The following SLC13A5 variants were observed in gnomAD, a reference collection of about 807,000 sequenced individuals.
SLC13A5 encodes the protein Na(+)/citrate cotransporter.
Under a neutral mutation model 56.5 loss-of-function variants are expected in SLC13A5, and 25 were observed. The ratio of observed to expected loss-of-function variants is 0.44; its 90% CI spans 0.32 to 0.62. The LOEUF (loss-of-function observed/expected upper bound fraction) is 0.62. SLC13A5 is among the 20% of genes least tolerant of loss of function. The pLI is 0.04. For synonymous variants in SLC13A5, 307 were observed against 301.5 expected, an observed-to-expected ratio of 1.02 and a Z score of -0.19; for missense variants, 649 against 737.8, an observed-to-expected ratio of 0.88 and a Z score of 1.39.
rs201530285 is a variant in SLC13A5, at chr17:6,694,088, G to A, written c.1156+9C>T. 1.8e-4 allele frequency: 294 copies of A among 1,599,788 alleles called. No homozygotes were observed. Among genetic ancestry groups the A allele is most frequent in the Non-Finnish European group, 2.3e-4 (263 of 1,167,756 alleles). On this transcript the variant is annotated intron_variant, in intron 8 of 11. Coordinates refer to ENST00000433363, the MANE Select transcript of SLC13A5 (RefSeq NM_177550.5). Reference sequence around the variant, plus strand: ...CCTGATGACTGGGCGATCAGAACAGGAGACTTACCTTCCTCAGTCTGGCTG... The same window carrying A: ...CCTGATGACTGGGCGATCAGAACAGAAGACTTACCTTCCTCAGTCTGGCTG...
In SLC13A5 at chr17:6,693,134, G is replaced by A. The variant is rs754821035; in HGVS notation, c.1185C>T (p.Pro395=). The A allele has an allele frequency of 3.1e-6, 5 of 1,612,058 alleles. No homozygotes were observed. Among genetic ancestry groups the A allele is most frequent in the Non-Finnish European group, 4.2e-6 (5 of 1,179,180 alleles). ...CCTGGGTTACCTTCCAATCCAGCAG[G>A]GGAGGGGGATAAAATGGAGTTTTCC... ...EERKTPFYPP[P]LLDWKVTQEK... The change falls in exon 9 of 12, where the codon CCC becomes CCT. Residue 395 remains proline (P), a synonymous_variant. Coordinates refer to ENST00000433363, the MANE Select transcript of SLC13A5 (RefSeq NM_177550.5).
intron 1 of SLC13A5, among the ~76,000 whole-genome samples, chr17:6,708,337 C>T (rs1016065051): frequency 5.9e-5 from 9 of 152,160 alleles, no homozygotes; most frequent in African/African-American, 2.2e-4. Flanking sequence ...CTCTGAGTAC[C>T]CTCCCCAGCC....
intron 9 of SLC13A5, 56 bp from the exon 10 acceptor site, chr17:6,690,996 G>C (rs1183535890): frequency 5.7e-5 from 89 of 1,553,926 alleles, no homozygotes; most frequent in Non-Finnish European, 6.7e-5. Flanking sequence ...AGTTCCTTCA[G>C]GGCCAGGGCA....
chr17:6,692,231 A>AGATGGATG lies in SLC13A5; in HGVS notation c.1275+805_1275+812dup, dbSNP rs370078806. Among the ~76,000 whole-genome samples, 6,222 of 143,822 alleles carry AGATGGATG rather than the reference A, an allele frequency of 0.043. 156 individuals carry two copies. The highest frequency in any genetic ancestry group is 0.067 in the African/African-American group (2,544 of 37,758). 94.4% of individuals were successfully genotyped at this position (143,822 alleles called of 152,430 possible). On this transcript the variant is annotated intron_variant, in intron 9 of 11. Coordinates refer to ENST00000433363, the MANE Select transcript of SLC13A5 (RefSeq NM_177550.5). This position sits in a 1 kb window ranked among gnomAD's most constrained non-coding sequence, Gnocchi z 5.5. ...TAGATAGATGGGTGGATGGATGGAC[A>AGATGGATG]GATGGATGGATGGATGGATGGATGG...
At chr17:6,697,020 A>G (rs1567618602) in intron 6 of SLC13A5, among the ~76,000 whole-genome samples, 1 of 151,990 alleles carries the variant, frequency 6.6e-6, no homozygotes, top group Non-Finnish European at 1.5e-5. Context: ...AAAAGGAGGC[A>G]ACACTGATGG....
In SLC13A5 at chr17:6,711,230, G is replaced by A. The variant is rs915493967; in HGVS notation, c.102+2002C>T. On this transcript the variant is annotated intron_variant, in intron 1 of 11. Transcript: ENST00000433363. This position sits in a 1 kb window ranked among gnomAD's most constrained non-coding sequence, Gnocchi z 4.0. ...TCTGGGTTTCCTTGCACAATGGGGC[G>A]GCCATGGAGGGTGGGGGCAGGGTGA... Among the ~76,000 whole-genome samples the A allele has an allele frequency of 6.6e-5, 10 of 152,054 alleles. No homozygotes were observed. Among genetic ancestry groups the A allele is most frequent in the African/African-American group, 2.4e-4 (10 of 41,412 alleles).
At chr17:6,707,208 C>T in intron 1 of SLC13A5, 52 bp from the exon 2 acceptor site, 1 of 1,605,334 alleles carries the variant, frequency 6.2e-7, no homozygotes, top group Non-Finnish European at 8.5e-7. Flanking sequence ...CTCTCCCCAC[C>T]CCCAGAACAC....
At chr17:6,691,004 G>C in intron 9 of SLC13A5, 64 bp from the exon 10 acceptor site, 1 of 1,535,418 alleles carries the variant, frequency 6.5e-7, no homozygotes, top group Non-Finnish European at 8.8e-7. Context: ...CAGGGCCAGG[G>C]CAAGCTTGGC....
rs200900896 is a variant in SLC13A5 at position 6,693,178 on chromosome 17, AAC to A, written c.1157-18_1157-17del. On this transcript the variant is annotated splice_polypyrimidine_tract_variant and intron_variant, in intron 8 of 11. Transcript: ENST00000433363. The stretch of plus-strand genomic sequence containing the variant: ...GTTTTCCTTTCTGGGAAGAAAAAGA[AAC>A]ACACACACACACACACACACACACA... 53,151 of 690,656 alleles carry A rather than the reference AAC, an allele frequency of 0.077. 720 individuals carry two copies. The highest frequency in any genetic ancestry group is 0.088 in the Middle Eastern group (264 of 3,002). 42.8% of individuals were successfully genotyped at this position (690,656 alleles called of 1,614,324 possible).
At position 6,711,522 on chromosome 17, in the gene SLC13A5, G is replaced by A. The variant is rs1974026007; in HGVS notation, c.102+1710C>T. Reference sequence around the variant, plus strand: ...TGTGTGTGTGTATGTGTATGTGTGTGTTTGTGTTTTTTGTGTGTTTTGTGT... The same window carrying A: ...TGTGTGTGTGTATGTGTATGTGTGTATTTGTGTTTTTTGTGTGTTTTGTGT... On this transcript the variant is annotated intron_variant, in intron 1 of 11. Coordinates refer to ENST00000433363, the MANE Select transcript of SLC13A5 (RefSeq NM_177550.5). This position sits in a 1 kb window ranked among gnomAD's most constrained non-coding sequence, Gnocchi z 4.0. 6.6e-6 allele frequency among the ~76,000 whole-genome samples: 1 copy of A among 151,248 alleles called. No individual in the cohort carries two copies. Among genetic ancestry groups the A allele is most frequent in the African/African-American group, 2.4e-5 (1 of 41,036 alleles).
In SLC13A5 at chr17:6,687,619, G is replaced by A. The variant is rs907914369; in HGVS notation, c.1485C>T (p.Thr495=). 1.2e-6 allele frequency: 2 copies of A among 1,613,442 alleles called. No homozygotes were observed. Among genetic ancestry groups the A allele is most frequent in the Non-Finnish European group, 1.7e-6 (2 of 1,179,876 alleles). Residue 495 remains threonine, a synonymous_variant, in exon 11 of 12, where the codon ACC becomes ACT. Transcript: ENST00000433363. The surrounding 1 kb of genome is among the most constrained non-coding windows in gnomAD (Gnocchi z 5.0). ...ACATGAAGGCAAAGGAGGCACTCAG[G>A]GTACAGGGCAGCATGATGTACAGCG... ...LNPLYIMLPC[T]LSASFAFMLP...
Position 6,713,362 on chromosome 17 carries a change from C to A in SLC13A5, c.-29G>T, listed in dbSNP as rs937310250. 1.2e-6 allele frequency: 2 copies of A among 1,601,310 alleles called. No homozygotes were observed. The highest frequency in any genetic ancestry group is 1.3e-5 in the African/African-American group (1 of 74,764). On this transcript the variant is annotated 5_prime_UTR_variant, in exon 1 of 12. Coordinates refer to ENST00000433363, the MANE Select transcript of SLC13A5 (RefSeq NM_177550.5). The surrounding 1 kb of genome is among the most constrained non-coding windows in gnomAD (Gnocchi z 7.3). ...GCGGGAGGGAGACTGGCGGGCGAGACGAGTGAGGGGCAGCTAGAGGCGCCG... is the reference window on the plus strand; with the variant it reads ...GCGGGAGGGAGACTGGCGGGCGAGAAGAGTGAGGGGCAGCTAGAGGCGCCG...
intron 7 of SLC13A5, among the ~76,000 whole-genome samples, chr17:6,694,743 A>G (rs1338405657): frequency 6.6e-6 from 1 of 152,172 alleles, no homozygotes; most frequent in African/African-American, 2.4e-5. Context: ...ATTCTCCATA[A>G]GTGTATTTCA....
In SLC13A5 at chr17:6,695,676, C is replaced by T. The variant is rs1567617673; in HGVS notation, c.1055+50G>A. ...AAAGTGCTGGGATTACATGTGTGAG[C>T]CAACGCGCCTGGCCCTAAGCCAGCG... On this transcript the variant is annotated intron_variant, in intron 7 of 11. Transcript: ENST00000433363. 1.9e-6 allele frequency: 3 copies of T among 1,592,298 alleles called. No homozygotes were observed. In the Admixed American group the frequency reaches 5.0e-5, roughly 27 times the overall value.
Position 6,685,922 on chromosome 17 carries a change from G to T in SLC13A5, c.*285C>A. ...ACAGCAGCCTGCATCCTGATCCCTC[G>T]GCTACCTGGCCTCCCTCACAGAGAT... On this transcript the variant is annotated 3_prime_UTR_variant, in exon 12 of 12. Coordinates refer to ENST00000433363, the MANE Select transcript of SLC13A5 (RefSeq NM_177550.5). This position sits in a 1 kb window ranked among gnomAD's most constrained non-coding sequence, Gnocchi z 4.2. 2.4e-6 allele frequency: 1 copy of T among 413,786 alleles called. No individual in the cohort carries two copies. The highest frequency in any genetic ancestry group is 4.5e-6 in the Non-Finnish European group (1 of 223,124). 25.6% of individuals were successfully genotyped at this position (413,786 alleles called of 1,614,324 possible). A position where few individuals can be genotyped will look rare whatever the true frequency, so the allele number is the denominator to read the frequency against.
rs1390299215 is a variant in SLC13A5, at chr17:6,711,544, G to T, written c.102+1688C>A. Among the ~76,000 whole-genome samples, 7 of 109,266 alleles carry T rather than the reference G, an allele frequency of 6.4e-5. No individual in the cohort carries two copies. Among genetic ancestry groups the T allele is most frequent in the South Asian group, 2.8e-4 (1 of 3,528 alleles). 71.7% of individuals were successfully genotyped at this position (109,266 alleles called of 152,430 possible). A position where few individuals can be genotyped will look rare whatever the true frequency, so the allele number is the denominator to read the frequency against. On this transcript the variant is annotated intron_variant, in intron 1 of 11. Transcript: ENST00000433363. This position sits in a 1 kb window ranked among gnomAD's most constrained non-coding sequence, Gnocchi z 4.0. Reference sequence around the variant, plus strand: ...TGTGTTTGTGTTTTTTGTGTGTTTTGTGTGTGTGTTTGTGTGTGTGTTTGT... The same window carrying T: ...TGTGTTTGTGTTTTTTGTGTGTTTTTTGTGTGTGTTTGTGTGTGTGTTTGT...
chr17:6,710,484 T>C (rs1299777378), intron 1 of SLC13A5, among the ~76,000 whole-genome samples: 15 of 151,970 alleles, frequency 9.9e-5, no homozygotes, highest in Admixed American at 9.8e-4. Context: ...GTGGCGTGCG[T>C]CACCAATGTA....
At position 6,703,923 on chromosome 17, in the gene SLC13A5, C is replaced by T. The variant is rs1555542943; in HGVS notation, c.502G>A (p.Ala168Thr). Residue 168 changes from alanine (A) to threonine (T), a missense_variant, in exon 4 of 12, where the codon GCC becomes ACC. By Grantham distance (58) the Ala-to-Thr change is moderately conservative. Transcript: ENST00000433363. ...CCCTTGTCCACCAGCTCCAGGCCGG[C>T]CTCGGTGGCTGCGCTTGTGGCTTCC... Reference protein sequence around the residue: ...QMEATSAATEAGLELVDKGKA... With the variant: ...QMEATSAATETGLELVDKGKA... 6.3e-7 allele frequency: 1 copy of T among 1,594,198 alleles called. No individual in the cohort carries two copies. The highest frequency in any genetic ancestry group is 1.3e-5 in the African/African-American group (1 of 74,686).
At position 6,706,682 on chromosome 17, in the gene SLC13A5, C is replaced by T. The variant is rs1249476346; in HGVS notation, c.328G>A (p.Ala110Thr). Residue 110 changes from alanine (A) to threonine (T), a missense_variant, in exon 3 of 12, where the codon GCC becomes ACC. By Grantham distance (58) the Ala-to-Thr change is moderately conservative. Coordinates refer to ENST00000433363, the MANE Select transcript of SLC13A5 (RefSeq NM_177550.5). ...VERWNLHKRIALRTLLWVGAK... is the reference protein window; with the variant it reads ...VERWNLHKRITLRTLLWVGAK... The stretch of plus-strand genomic sequence containing the variant: ...CCCACCCAGAGGAGCGTGCGCAGGG[C>T]GATCCTCTTGTGCAGGTTCCAGCGC... 10 of 1,613,828 alleles carry T rather than the reference C, an allele frequency of 6.2e-6. No individual in the cohort carries two copies. Among genetic ancestry groups the T allele is most frequent in the Admixed American group, 1.7e-5 (1 of 59,980 alleles).
Sources: gnomAD v4.1 joint callset for allele counts (sites outside exome capture counted in the v4.1 genomes callset) on GRCh38, gnomAD v4.1.1 for gene constraint, Gnocchi (gnomAD v3.1) non-coding constraint, MANE v1.5 for transcripts, NCBI Gene and HGNC (gene_info 2026-07-23, HGNC 2026-07-21) for gene names.